HNF4G: variants seen among roughly 807,000 people sequenced by gnomAD.
The protein encoded by HNF4G is hepatocyte nuclear factor 4 gamma.
In HNF4G, 21 loss-of-function variants were observed where a neutral mutation model predicts 50.9. That is an observed-to-expected ratio of 0.41 (90% CI 0.29 to 0.59). The LOEUF is 0.59. HNF4G is among the 20% of genes least tolerant of loss of function. The probability of loss-of-function intolerance (pLI) is 0.26; values close to 1 mark genes in which losing one functional copy is unlikely to be tolerated. For synonymous variants in HNF4G, 198 were observed against 185.6 expected (o/e 1.07, Z -0.54); for missense variants, 527 against 559.4 (o/e 0.94, Z 0.58).
chr8:75,544,412 T>C (rs973764562), intron 2 of HNF4G, among the ~76,000 whole-genome samples: 30 of 152,188 alleles, frequency 2.0e-4, no homozygotes, highest in Non-Finnish European at 2.2e-4. Context: ...AATAAGAGTA[T>C]TTTTCTTCAT....
intron 4 of HNF4G, among the ~76,000 whole-genome samples, chr8:75,552,470 T>C (rs1003476684): frequency 2.6e-5 from 4 of 152,128 alleles, no homozygotes; most frequent in African/African-American, 9.7e-5. Context: ...TTTACAAATC[T>C]TACAAATTTA....
chr8:75,425,156 G>T (rs536605612), intron 1 of HNF4G, among the ~76,000 whole-genome samples: 1 of 151,188 alleles, frequency 6.6e-6, no homozygotes, highest in Non-Finnish European at 1.5e-5. Context: ...TGCAATCTCG[G>T]CTCACTGCAA....
chr8:75,483,047 C>T (rs1812417185), intron 1 of HNF4G, among the ~76,000 whole-genome samples: 1 of 152,062 alleles, frequency 6.6e-6, no homozygotes, highest in African/African-American at 2.4e-5. Flanking sequence ...CTTTTAAACT[C>T]AATGACATGT....
At chr8:75,548,491 G>C (rs1806856015) in intron 3 of HNF4G, among the ~76,000 whole-genome samples, 1 of 152,150 alleles carries the variant, frequency 6.6e-6, no homozygotes, top group African/African-American at 2.4e-5. Context: ...CAGGAAGCTT[G>C]TATTATATCG....
chr8:75,546,326 A>G (rs879249519), intron 2 of HNF4G, among the ~76,000 whole-genome samples: 11 of 152,246 alleles, frequency 7.2e-5, no homozygotes, highest in Admixed American at 2.6e-4. Context: ...CTGAGAGTCA[A>G]TGGTGGAATC....
At chr8:75,529,228 T>C (rs977260464) in intron 2 of HNF4G, among the ~76,000 whole-genome samples, 7 of 151,978 alleles carry the variant, frequency 4.6e-5, no homozygotes, top group African/African-American at 1.5e-4. Flanking sequence ...CAGGCGGAGC[T>C]TGCAGTGAGC....
At chr8:75,413,644 G>A (rs954078150) in intron 1 of HNF4G, among the ~76,000 whole-genome samples, 2 of 151,918 alleles carry the variant, frequency 1.3e-5, no homozygotes, top group African/African-American at 2.4e-5. Context: ...TGAGGCGGGT[G>A]GATCACTTGA....
intron 1 of HNF4G, among the ~76,000 whole-genome samples, chr8:75,410,197 G>A (rs1202196428): frequency 6.6e-6 from 1 of 151,982 alleles, no homozygotes; most frequent in Non-Finnish European, 1.5e-5. Context: ...TCTTTGCATG[G>A]GTACTGCTGA....
At chr8:75,423,332 TATC>T (rs1156696357) in intron 1 of HNF4G, among the ~76,000 whole-genome samples, 2 of 136,210 alleles carry the variant, frequency 1.5e-5, no homozygotes, top group Non-Finnish European at 3.0e-5. Context: ...GACTTTTCTT[TATC>T]TTTTTTTTTT....
chr8:75,425,831 T>G (rs1320826721), intron 1 of HNF4G, among the ~76,000 whole-genome samples: 1 of 152,044 alleles, frequency 6.6e-6, no homozygotes, highest in Non-Finnish European at 1.5e-5. Context: ...TTTTAGGCTA[T>G]TACAATAAAG....
chr8:75,487,600 C>T (rs972362610), intron 1 of HNF4G, among the ~76,000 whole-genome samples: 3 of 152,132 alleles, frequency 2.0e-5, no homozygotes, highest in African/African-American at 7.2e-5. Context: ...TTTATCTATC[C>T]TTTAAAGCCC....
intron 1 of HNF4G, among the ~76,000 whole-genome samples, chr8:75,441,469 C>T (rs890464164): frequency 6.6e-6 from 1 of 152,098 alleles, no homozygotes; most frequent in Admixed American, 6.6e-5. Flanking sequence ...TGATGTCAAA[C>T]TCCTGGCCTC....
intron 1 of HNF4G, among the ~76,000 whole-genome samples, chr8:75,470,428 C>T (rs1295948915): frequency 1.3e-5 from 2 of 152,078 alleles, no homozygotes; most frequent in Non-Finnish European, 2.9e-5. Context: ...CAATTGTAGT[C>T]TATTATAAAA....
At chr8:75,421,369 G>T (rs930677347) in intron 1 of HNF4G, among the ~76,000 whole-genome samples, 2 of 152,032 alleles carry the variant, frequency 1.3e-5, no homozygotes, top group Non-Finnish European at 2.9e-5. Flanking sequence ...TTATCATCTG[G>T]GATGACTTTT....
intron 2 of HNF4G, among the ~76,000 whole-genome samples, chr8:75,515,323 T>C (rs1805861210): frequency 6.6e-6 from 1 of 152,366 alleles, no homozygotes; most frequent in African/African-American, 2.4e-5. Context: ...TTTATTGATT[T>C]GAGAGTTTTC....
intron 2 of HNF4G, among the ~76,000 whole-genome samples, chr8:75,521,425 A>G (rs944333013): frequency 1.3e-5 from 2 of 152,218 alleles, no homozygotes; most frequent in Non-Finnish European, 2.9e-5. Context: ...TATTGATAAT[A>G]TTTTAATACA....
At chr8:75,466,071 T>A (rs150580248) in intron 1 of HNF4G, among the ~76,000 whole-genome samples, 36 of 152,308 alleles carry the variant, frequency 2.4e-4, no homozygotes, top group African/African-American at 7.7e-4. Flanking sequence ...ATTTTTAATA[T>A]CTGTTCTTTA....
chr8:75,524,218 A>T (rs1806123074), intron 2 of HNF4G, among the ~76,000 whole-genome samples: 1 of 152,182 alleles, frequency 6.6e-6, no homozygotes, highest in African/African-American at 2.4e-5. Flanking sequence ...AAAATGAATG[A>T]TGTAAATATT....
chr8:75,429,005 T>G (rs545983511), intron 1 of HNF4G, among the ~76,000 whole-genome samples: 9 of 152,116 alleles, frequency 5.9e-5, no homozygotes, highest in South Asian at 2.1e-4. Context: ...TGGTAGAGAA[T>G]ATGAGAAGAG....
Sources: allele counts gnomAD v4.1 joint callset (sites outside exome capture counted in the v4.1 genomes callset), GRCh38; gene constraint gnomAD v4.1.1; transcripts MANE v1.5; gene names NCBI Gene and HGNC (gene_info 2026-07-23, HGNC 2026-07-21).